EYS: variants seen among roughly 807,000 people sequenced by gnomAD.
EYS encodes EGF-like photoreceptor maintenance factor, also known as protein eyes shut homolog.
In EYS, 250 loss-of-function variants were observed where a neutral mutation model predicts 282.1. The ratio of observed to expected loss-of-function variants is 0.89; its 90% CI spans 0.80 to 0.98. EYS has a LOEUF of 0.98. Ranked by LOEUF, EYS falls within the 50% of genes least tolerant of loss-of-function variation. The pLI is 0.00. For synonymous variants in EYS, 1,355 were observed against 1,282.9 expected (o/e 1.06, Z -1.20); for missense variants, 4,016 against 3,709.0 (o/e 1.08, Z -2.15).
intron 26 of EYS, among the ~76,000 whole-genome samples, chr6:64,452,919 T>C (rs146737293): frequency 0.038 from 5,853 of 152,194 alleles, 366 homozygotes; most frequent in African/African-American, 0.13. Flanking sequence ...TAAGAAAACC[T>C]AGGCAATACC....
chr6:64,205,686 C>T (rs906312824), intron 31 of EYS, among the ~76,000 whole-genome samples: 8 of 152,006 alleles, frequency 5.3e-5, no homozygotes, highest in African/African-American at 1.9e-4. Flanking sequence ...GGATATCCTG[C>T]TATTTCTTAG....
intron 9 of EYS, among the ~76,000 whole-genome samples, chr6:65,346,029 C>G (rs914352479): frequency 6.6e-6 from 1 of 151,802 alleles, no homozygotes; most frequent in Non-Finnish European, 1.5e-5. Flanking sequence ...TATTCTAACT[C>G]CTCACTCAGC....
At chr6:64,381,966 A>C (rs961612366) in intron 29 of EYS, among the ~76,000 whole-genome samples, 1 of 152,170 alleles carries the variant, frequency 6.6e-6, no homozygotes, top group African/African-American at 2.4e-5. Flanking sequence ...TAAGTGTATT[A>C]ATAATATCCA....
intron 41 of EYS, among the ~76,000 whole-genome samples, chr6:63,753,355 A>C (rs1292593007): frequency 6.6e-6 from 1 of 151,916 alleles, no homozygotes; most frequent in East Asian, 1.9e-4. Flanking sequence ...TAGGTTTTTA[A>C]ATTTTGAATA....
At position 64,522,883 on chromosome 6, in the gene EYS, G is replaced by A. The variant is rs556532356; in HGVS notation, c.5644+67340C>T. Among the ~76,000 whole-genome samples, 107 of 151,884 alleles carry A rather than the reference G, an allele frequency of 7.0e-4. 4 individuals carry two copies. In the South Asian group the frequency reaches 0.021, roughly 29 times the overall value. On this transcript the variant is annotated intron_variant, in intron 26 of 42. Transcript: ENST00000503581. The stretch of plus-strand genomic sequence containing the variant: ...CAGCAATGTGAAGTGCACAGTTAAA[G>A]ATGAAAAGAAAATAGCTCAGTTATT...
chr6:64,297,977 C>CAAAAAAAAAAAAAAAAA (rs34562408), intron 30 of EYS, among the ~76,000 whole-genome samples: 1 of 96,438 alleles, frequency 1.0e-5, no homozygotes, highest in African/African-American at 3.8e-5. Context: ...GATTCTGTCT[C>CAAAAAAAAAAAAAAAAA]AAAAAAAAAA....
chr6:64,696,767 A>G (rs1275250356), intron 22 of EYS, among the ~76,000 whole-genome samples: 1 of 152,186 alleles, frequency 6.6e-6, no homozygotes, highest in East Asian at 1.9e-4. Flanking sequence ...AAAAGAAGAA[A>G]TAATGTGTTG....
intron 1 of EYS, among the ~76,000 whole-genome samples, chr6:65,692,536 G>A (rs1769282038): frequency 6.7e-6 from 1 of 149,960 alleles, no homozygotes; most frequent in African/African-American, 2.4e-5. Context: ...TGAAAAAAGT[G>A]GATATACATT....
chr6:63,882,517 C>T (rs925485616), intron 35 of EYS, among the ~76,000 whole-genome samples: 3 of 152,204 alleles, frequency 2.0e-5, no homozygotes, highest in African/African-American at 7.2e-5. Context: ...GTTTACTGAA[C>T]TTTTTCCCTA....
intron 28 of EYS, among the ~76,000 whole-genome samples, chr6:64,429,940 G>A (rs1774525723): frequency 6.6e-6 from 1 of 152,018 alleles, no homozygotes; most frequent in Non-Finnish European, 1.5e-5. Context: ...CTGCTGACAG[G>A]GGTTAATTAA....
chr6:64,305,839 T>C (rs1366713532), intron 30 of EYS, among the ~76,000 whole-genome samples: 2 of 152,166 alleles, frequency 1.3e-5, no homozygotes, highest in African/African-American at 2.4e-5. Flanking sequence ...TGGATATGGA[T>C]ATGACACCAA....
At chr6:64,350,154 A>C (rs375292362) in intron 29 of EYS, among the ~76,000 whole-genome samples, 103 of 151,618 alleles carry the variant, frequency 6.8e-4, no homozygotes, top group African/African-American at 2.5e-3. Flanking sequence ...AATAATGATA[A>C]CATTTTTTGT....
At position 63,721,519 on chromosome 6, in the gene EYS, C is replaced by G; in HGVS notation, c.8512G>C (p.Glu2838Gln). The change falls in exon 43 of 43, where the codon GAA (glutamate) becomes CAA (glutamine). Residue 2838 changes from glutamate (E) to glutamine (Q), a missense_variant. Transcript: ENST00000503581. ...SLNLVNPMAI[E>Q]NEPVGFQGCI... ...CCTTGAAAACCTACAGGTTCATTTTCTATTGCCATGGGATTTACAAGATTT... is the reference window on the plus strand; with the variant it reads ...CCTTGAAAACCTACAGGTTCATTTTGTATTGCCATGGGATTTACAAGATTT... 6.4e-7 allele frequency: 1 copy of G among 1,551,442 alleles called. No individual in the cohort carries two copies. The highest frequency in any genetic ancestry group is 8.7e-7 in the Non-Finnish European group (1 of 1,146,658).
chr6:64,384,331 T>A (rs1772842322), intron 29 of EYS, among the ~76,000 whole-genome samples: 1 of 152,168 alleles, frequency 6.6e-6, no homozygotes, highest in African/African-American at 2.4e-5. Context: ...ATTTGAAAAT[T>A]AAGATAATGT....
chr6:64,324,479 T>A (rs1258708969), intron 29 of EYS, among the ~76,000 whole-genome samples: 5 of 152,118 alleles, frequency 3.3e-5, no homozygotes, highest in Non-Finnish European at 1.5e-5. Context: ...TGAAGAAACA[T>A]ACCTCAGAAT....
At chr6:64,395,018 G>A (rs1056258978) in intron 28 of EYS, among the ~76,000 whole-genome samples, 2 of 152,176 alleles carry the variant, frequency 1.3e-5, no homozygotes, top group African/African-American at 4.8e-5. Flanking sequence ...GCAGCCAACA[G>A]ACACATGAAA....
At chr6:64,912,403 G>A (rs1190661979) in intron 16 of EYS, 81 bp downstream of exon 16, 2 of 1,278,418 alleles carry the variant, frequency 1.6e-6, no homozygotes, top group African/African-American at 1.5e-5. Context: ...ATTTTAGGAG[G>A]CCATCATCCC....
chr6:64,908,252 C>T (rs939796333), intron 16 of EYS, among the ~76,000 whole-genome samples: 2 of 152,008 alleles, frequency 1.3e-5, no homozygotes, highest in Non-Finnish European at 2.9e-5. Context: ...CTCCAGATGC[C>T]GAAACAGGAG....
At chr6:64,161,166 A>T (rs1181229535) in intron 31 of EYS, among the ~76,000 whole-genome samples, 1 of 152,228 alleles carries the variant, frequency 6.6e-6, no homozygotes, top group Non-Finnish European at 1.5e-5. Context: ...CGGAACAAGC[A>T]TTTAAAAAAG....
Sources: allele counts gnomAD v4.1 joint callset (sites outside exome capture counted in the v4.1 genomes callset), GRCh38; gene constraint gnomAD v4.1.1; transcripts MANE v1.5; gene names NCBI Gene and HGNC (gene_info 2026-07-23, HGNC 2026-07-21).